Variants in ENOSF1 observed in about 807,000 individuals in gnomAD.
The protein encoded by ENOSF1 is mitochondrial enolase superfamily member 1.
Under a neutral mutation model 68.2 loss-of-function variants are expected in ENOSF1, and 73 were observed. The observed-to-expected ratio is 1.07, with a 90% CI of 0.89 to 1.30. ENOSF1 has a LOEUF of 1.30. Ranked by LOEUF, ENOSF1 falls within the 50% of genes most tolerant of loss-of-function variation. The probability of loss-of-function intolerance (pLI) is 0.00; values close to 1 mark genes in which losing one functional copy is unlikely to be tolerated. For missense variants in ENOSF1, 589 were observed against 554.5 expected (o/e 1.06, Z -0.62); for synonymous variants, 223 against 210.4 (o/e 1.06, Z -0.52).
chr18:671,295 G>T lies in ENOSF1; in HGVS notation c.*3010C>A. 2 of 902,552 alleles carry T rather than the reference G, an allele frequency of 2.2e-6. No individual in the cohort carries two copies. Among genetic ancestry groups the T allele is most frequent in the Non-Finnish European group, 3.7e-6 (2 of 542,540 alleles). 55.9% of individuals were successfully genotyped at this position (902,552 alleles called of 1,614,324 possible). ...TTATTTTTTTAAAAAAAGCCTTGCGGTGTCTGCATATTCTAATGTTTTTAA... is the reference window on the plus strand; with the variant it reads ...TTATTTTTTTAAAAAAAGCCTTGCGTTGTCTGCATATTCTAATGTTTTTAA... On this transcript the variant is annotated 3_prime_UTR_variant, in exon 16 of 16. Transcript: ENST00000647584.
At chr18:691,364 G>A in intron 5 of ENOSF1, 88 bp from the exon 6 acceptor site, 1 of 1,113,214 alleles carries the variant, frequency 9.0e-7, no homozygotes, top group Non-Finnish European at 1.3e-6. Context: ...TCTTTTTTTA[G>A]AGACAAGGTC....
At chr18:678,484 C>T (rs2075741743) in intron 12 of ENOSF1, 1 of 555,518 alleles carries the variant, frequency 1.8e-6, no homozygotes, top group Non-Finnish European at 3.2e-6. Flanking sequence ...AGATACCCGA[C>T]CTTAGTCATA....
intron 1 of ENOSF1, 36 bp from the exon 2 acceptor site, chr18:706,614 G>A: frequency 3.3e-6 from 5 of 1,494,874 alleles, no homozygotes; most frequent in Non-Finnish European, 3.7e-6. Context: ...AACAATGCCA[G>A]TGTGAGAAAC....
In ENOSF1 at chr18:673,177, C is replaced by T. The variant is rs1055381821; in HGVS notation, c.*1128G>A. On this transcript the variant is annotated 3_prime_UTR_variant, in exon 16 of 16. Transcript: ENST00000647584. ...GCAAATGTAACTGTGCCAGTTCTTT[C>T]CATAATAAAAGGCTTTGAGTTAACT... 1 of 585,020 alleles carries T rather than the reference C, an allele frequency of 1.7e-6. No homozygotes were observed. Among genetic ancestry groups the T allele is most frequent in the Non-Finnish European group, 2.7e-6 (1 of 369,232 alleles). The allele number at this position is 585,020 out of a possible 1,614,324, so 36.2% of individuals were successfully genotyped here. A position where few individuals can be genotyped will look rare whatever the true frequency, so the allele number is the denominator to read the frequency against.
intron 14 of ENOSF1, among the ~76,000 whole-genome samples, chr18:675,739 TCAC>T (rs1324954649): frequency 2.6e-5 from 4 of 152,228 alleles, no homozygotes; most frequent in African/African-American, 4.8e-5. Context: ...TAGATTAAAA[TCAC>T]CACATTTTGT....
At chr18:691,001 A>G in intron 7 of ENOSF1, 67 bp downstream of exon 7, 1 of 1,545,580 alleles carries the variant, frequency 6.5e-7, no homozygotes, top group South Asian at 1.1e-5. Context: ...GTACCCCAAA[A>G]GGACAGGGGC....
chr18:688,680 G>C, intron 8 of ENOSF1, 72 bp from the exon 9 acceptor site: 1 of 1,357,114 alleles, frequency 7.4e-7, no homozygotes, highest in Non-Finnish European at 1.1e-6. Context: ...AGTCATTGCT[G>C]ATCTGTTTCA....
intron 2 of ENOSF1, among the ~76,000 whole-genome samples, chr18:705,147 G>A (rs74923399): frequency 0.014 from 2,208 of 152,334 alleles, 22 homozygotes; most frequent in Middle Eastern, 0.027. Flanking sequence ...AATGGGCCAA[G>A]ATTTTTTTCT....
In ENOSF1 at chr18:683,045, TA is replaced by T. The variant is rs1227868616; in HGVS notation, c.876+200del. ...TTACTTTATCTAAAACAAACAGAAA[TA>T]AGGGCAAAGTATAAGCTGAAGTAGA... On this transcript the variant is annotated intron_variant, in intron 11 of 15. Coordinates refer to ENST00000647584, the MANE Select transcript of ENOSF1 (RefSeq NM_017512.7). The T allele has an allele frequency of 8.2e-6, 5 of 611,838 alleles. No homozygotes were observed. The African/African-American group carries it at 9.3e-5, about 11-fold the overall frequency. The allele number at this position is 611,838 out of a possible 1,614,324, so 37.9% of individuals were successfully genotyped here. A position where few individuals can be genotyped will look rare whatever the true frequency, so the allele number is the denominator to read the frequency against.
chr18:708,681 G>C (rs1401509140), intron 1 of ENOSF1, among the ~76,000 whole-genome samples: 2 of 152,136 alleles, frequency 1.3e-5, no homozygotes, highest in South Asian at 4.1e-4. Flanking sequence ...GAGCTGGCCG[G>C]TCAAGGAAGG....
intron 4 of ENOSF1, 62 bp downstream of exon 4, chr18:694,186 G>C (rs1478343206): frequency 1.3e-6 from 2 of 1,487,848 alleles, no homozygotes; most frequent in African/African-American, 2.8e-5. Context: ...TCCTCTGTGC[G>C]TAGGGAAAGT....
Position 685,340 on chromosome 18 carries a change from T to C in ENOSF1, c.741+581A>G, listed in dbSNP as rs1299189196. On this transcript the variant is annotated intron_variant, in intron 10 of 15. Coordinates refer to ENST00000647584, the MANE Select transcript of ENOSF1 (RefSeq NM_017512.7). Reference sequence around the variant, plus strand: ...CAATTTTTATCATAAGTTATTTGGATACAGATGACTTCATTAAAAAAAAAA... The same window carrying C: ...CAATTTTTATCATAAGTTATTTGGACACAGATGACTTCATTAAAAAAAAAA... 2.6e-5 allele frequency among the ~76,000 whole-genome samples: 4 copies of C among 151,818 alleles called. No individual in the cohort carries two copies. In the East Asian group the frequency reaches 7.8e-4, roughly 30 times the overall value.
intron 11 of ENOSF1, among the ~76,000 whole-genome samples, chr18:679,208 CT>C (rs71174268): frequency 0.012 from 1,490 of 123,744 alleles, 19 homozygotes; most frequent in African/African-American, 0.037. Context: ...CCTCTCATAT[CT>C]TTTTTTTTTT....
At chr18:694,609 C>T (rs928911983) in intron 3 of ENOSF1, among the ~76,000 whole-genome samples, 4 of 140,830 alleles carry the variant, frequency 2.8e-5, no homozygotes, top group African/African-American at 1.1e-4. Context: ...GCCTGGGCAA[C>T]AGAGCAAGAC....
At chr18:667,167 T>TGATGGTGATGGTGATGGTGATGGA (rs1567990111), downstream of ENOSF1, among the ~76,000 whole-genome samples, 18 of 63,304 alleles carry the variant, frequency 2.8e-4, no homozygotes, top group Non-Finnish European at 4.8e-4. Flanking sequence ...ATGGAGATGG[T>TGATGGTGATGGTGATGGTGATGGA]GATGGTGATG....
In ENOSF1 at chr18:672,223, G is replaced by C. The variant is rs1317870362; in HGVS notation, c.*2082C>G. ...AGTTCATCTGCTTCATGAGCCTTAAGGAAAAAAACTCAGAACCAGACACTT... is the reference window on the plus strand; with the variant it reads ...AGTTCATCTGCTTCATGAGCCTTAACGAAAAAAACTCAGAACCAGACACTT... On this transcript the variant is annotated 3_prime_UTR_variant, in exon 16 of 16. Transcript: ENST00000647584. 2.0e-5 allele frequency: 3 copies of C among 152,174 alleles called. No homozygotes were observed. Among genetic ancestry groups the C allele is most frequent in the Non-Finnish European group, 4.4e-5 (3 of 68,054 alleles). The allele number at this position is 152,174 out of a possible 1,614,324, so 9.4% of individuals were successfully genotyped here.
At chr18:669,343 G>C (rs1419103265), downstream of ENOSF1, 2 of 493,446 alleles carry the variant, frequency 4.1e-6, no homozygotes, top group Non-Finnish European at 7.4e-6. Flanking sequence ...TTCACCTTCA[G>C]ATCATGAGGT....
At chr18:696,432 C>T (rs543622625) in intron 3 of ENOSF1, among the ~76,000 whole-genome samples, 118 of 151,958 alleles carry the variant, frequency 7.8e-4, no homozygotes, top group African/African-American at 2.7e-3. Context: ...AGGATGGTCT[C>T]GACCTCCTGA....
chr18:663,976 C>T, the ENOSF1 span, among the ~76,000 whole-genome samples: 1 of 100,374 alleles, frequency 1.0e-5, no homozygotes, highest in Non-Finnish European at 1.9e-5. Flanking sequence ...GTTCTTTTGG[C>T]TTAGGATTGA....
Sources: gnomAD v4.1 joint callset for allele counts (sites outside exome capture counted in the v4.1 genomes callset) on GRCh38, gnomAD v4.1.1 for gene constraint, MANE v1.5 for transcripts, NCBI Gene and HGNC (gene_info 2026-07-23, HGNC 2026-07-21) for gene names.